Variants in TULP2 observed in about 807,000 individuals in gnomAD.
The protein encoded by TULP2 is TUB like protein 2.
TULP2 carries 64 observed loss-of-function variants against 60.3 expected under a neutral mutation model. That is an observed-to-expected ratio of 1.06 (90% CI 0.87 to 1.31). The LOEUF (loss-of-function observed/expected upper bound fraction) is 1.31, where lower values mean the gene tolerates loss of function less well. Ranked by LOEUF, TULP2 falls within the 50% of genes most tolerant of loss-of-function variation. The pLI, the probability that TULP2 is intolerant of heterozygous loss-of-function variation, is 0.00. For synonymous variants in TULP2, 267 were observed against 265.4 expected (o/e 1.01, Z -0.06); for missense variants, 652 against 667.0 (o/e 0.98, Z 0.25).
Position 48,895,409 on chromosome 19 carries a change from G to C in TULP2, c.306C>G (p.Asp102Glu). ...TCGGGAGGCCGCGCTCGCCCCTGCCGTCTCCACCACAGCTCACGGTGCCCA... is the reference window on the plus strand; with the variant it reads ...TCGGGAGGCCGCGCTCGCCCCTGCCCTCTCCACCACAGCTCACGGTGCCCA... ...SALGTVSCGG[D>E]GRGERGLPTP... Residue 102 changes from aspartate to glutamate, a missense_variant, in exon 5 of 13, where the codon GAC (aspartate) becomes GAG (glutamate). Coordinates refer to ENST00000221399, the MANE Select transcript of TULP2 (RefSeq NM_003323.3). 1.9e-6 allele frequency: 3 copies of C among 1,613,974 alleles called. No homozygotes were observed. Among genetic ancestry groups the C allele is most frequent in the Non-Finnish European group, 2.5e-6 (3 of 1,179,962 alleles).
At chr19:48,893,667 C>A (rs9941450) in intron 6 of TULP2, among the ~76,000 whole-genome samples, 28,739 of 151,974 alleles carry the variant, frequency 0.19, 3,487 homozygotes, top group African/African-American at 0.35. Context: ...AATTCTTCCA[C>A]CTCAGCCTCC....
chr19:48,884,485 A>G (rs1455064454), intron 9 of TULP2, among the ~76,000 whole-genome samples: 2 of 149,854 alleles, frequency 1.3e-5, no homozygotes, highest in Non-Finnish European at 3.0e-5. Flanking sequence ...AATTAAATAA[A>G]TGAGGCCGGG....
At chr19:48,890,608 T>TG (rs1323444531) in intron 6 of TULP2, among the ~76,000 whole-genome samples, 2 of 152,200 alleles carry the variant, frequency 1.3e-5, no homozygotes, top group Admixed American at 1.3e-4. Flanking sequence ...ACCTAAAGGA[T>TG]GAAAGAAGCC....
intron 11 of TULP2, 90 bp downstream of exon 11, chr19:48,883,664 C>CTCCTCTTCT: frequency 1.4e-6 from 2 of 1,456,868 alleles, no homozygotes; most frequent in Non-Finnish European, 1.9e-6. Context: ...CCTCCTCTTC[C>CTCCTCTTCT]TCCTCTTCTT....
chr19:48,885,501 G>A lies in TULP2; in HGVS notation c.1008C>T (p.Ser336=), dbSNP rs140099280. Residue 336 remains serine (S), a synonymous_variant, in exon 9 of 13, where the codon TCC becomes TCT. Coordinates refer to ENST00000221399, the MANE Select transcript of TULP2 (RefSeq NM_003323.3). ...RRSKTSNYLI[S]LDPTHLSRDG... is the part of the protein sequence containing the mutation. ...CCCGAGATAGGTGTGTAGGATCCAGGGAGATGAGGTAATTAGAAGTTTTGC... is the reference window on the plus strand; with the variant it reads ...CCCGAGATAGGTGTGTAGGATCCAGAGAGATGAGGTAATTAGAAGTTTTGC... 6.2e-7 allele frequency: 1 copy of A among 1,613,946 alleles called. No individual in the cohort carries two copies. The highest frequency in any genetic ancestry group is 8.5e-7 in the Non-Finnish European group (1 of 1,179,926).
intron 6 of TULP2, among the ~76,000 whole-genome samples, chr19:48,892,692 G>A (rs951002123): frequency 1.3e-5 from 2 of 151,680 alleles, no homozygotes; most frequent in African/African-American, 2.4e-5. Context: ...TTCAGTAAAC[G>A]TGGGGTTTCA....
Position 48,888,122 on chromosome 19 carries a change from A to G in TULP2, c.776T>C (p.Leu259Ser), listed in dbSNP as rs779288858. Residue 259 changes from leucine (L) to serine (S), a missense_variant, in exon 8 of 13, where the codon TTG (leucine) becomes TCG (serine). Physicochemically the swap from Leu to Ser is moderately radical, Grantham distance 145. Transcript: ENST00000221399. ...DSDHMRHEAS[L>S]AIRSPCPGLE... ...CCCAGGGCAGGGGGAGCGGATTGCC[A>G]AGGAGGCTTCGTGCCTCATATGGTC... The G allele has an allele frequency of 5.6e-6, 9 of 1,614,184 alleles. No homozygotes were observed. The South Asian group carries it at 6.6e-5, about 12-fold the overall frequency.
chr19:48,884,537 A>T (rs1156551855), intron 9 of TULP2, among the ~76,000 whole-genome samples: 1 of 152,020 alleles, frequency 6.6e-6, no homozygotes, highest in East Asian at 1.9e-4. Flanking sequence ...TTGGGAGGCC[A>T]AGGCGGGTGG....
Position 48,897,473 on chromosome 19 carries a change from C to T in TULP2, c.33-77G>A. 6.8e-7 allele frequency: 1 copy of T among 1,476,568 alleles called. No individual in the cohort carries two copies. Among genetic ancestry groups the T allele is most frequent in the Non-Finnish European group, 9.3e-7 (1 of 1,069,646 alleles). 91.5% of individuals were successfully genotyped at this position (1,476,568 alleles called of 1,614,324 possible). A position where few individuals can be genotyped will look rare whatever the true frequency, so the allele number is the denominator to read the frequency against. ...CAAGAGAGTCCCTCCTTCCCCCATC[C>T]TGCCCCTATCTCAGCTTGGGTTCTG... On this transcript the variant is annotated intron_variant, in intron 2 of 12. Transcript: ENST00000221399. This position sits in a 1 kb window ranked among gnomAD's most constrained non-coding sequence, Gnocchi z 4.0.
In TULP2 at chr19:48,882,055, A is replaced by G; in HGVS notation, c.1424T>C (p.Phe475Ser). ...ACGGTGTTTGGGATCCACGATTTGG[A>G]AGTTCTTCACCGAAGCCCGAGTGAC... ...GRVTRASVKN[F>S]QIVDPKHQEH... Residue 475 changes from phenylalanine (F) to serine (S), a missense_variant, in exon 12 of 13, where the codon TTC becomes TCC. Transcript: ENST00000221399. 1 of 1,614,152 alleles carries G rather than the reference A, an allele frequency of 6.2e-7. No homozygotes were observed. Among genetic ancestry groups the G allele is most frequent in the Non-Finnish European group, 8.5e-7 (1 of 1,180,030 alleles).
In TULP2 at chr19:48,884,908, C is replaced by CTTTT. The variant is rs745788084; in HGVS notation, c.1061+536_1061+539dup. Among the ~76,000 whole-genome samples the CTTTT allele has an allele frequency of 1.5e-3, 148 of 97,370 alleles. 9 individuals are homozygous for CTTTT. Among genetic ancestry groups the CTTTT allele is most frequent in the African/African-American group, 5.6e-3 (135 of 24,292 alleles). The allele number at this position is 97,370 out of a possible 152,430, so 63.9% of individuals were successfully genotyped here. On this transcript the variant is annotated intron_variant, in intron 9 of 12. Transcript: ENST00000221399. ...ATTTAAAGGGCCCTTTAGGAACCCT[C>CTTTT]TTTTTTTTTTTTTTTTTTTTTTTTT...
chr19:48,892,419 T>C (rs1351020608), intron 6 of TULP2, among the ~76,000 whole-genome samples: 2 of 152,172 alleles, frequency 1.3e-5, no homozygotes, highest in Non-Finnish European at 2.9e-5. Flanking sequence ...CCTTAAAACT[T>C]GAGTCAATAT....
chr19:48,881,275 T>A, intron 12 of TULP2, 149 bp from the exon 13 acceptor site: 1 of 507,446 alleles, frequency 2.0e-6, no homozygotes, highest in Admixed American at 3.4e-5. Flanking sequence ...AGTGACCTGA[T>A]CTTGGCTCAC....
intron 12 of TULP2, among the ~76,000 whole-genome samples, chr19:48,881,441 G>A (rs562649709): frequency 6.8e-6 from 1 of 148,122 alleles, no homozygotes; most frequent in East Asian, 2.0e-4. Flanking sequence ...GAGAGCAGTG[G>A]CGCGATCTCG....
chr19:48,885,021 C>A (rs1338703917), intron 9 of TULP2, among the ~76,000 whole-genome samples: 2 of 149,882 alleles, frequency 1.3e-5, no homozygotes, highest in Admixed American at 1.3e-4. Flanking sequence ...CTGCATCAGC[C>A]TCCCAAGTAG....
rs377635669 is a variant in TULP2, at chr19:48,885,474, G to A, written c.1035C>T (p.Asp345=). 1.3e-4 allele frequency: 210 copies of A among 1,613,918 alleles called. 2 individuals carry two copies. In the East Asian group the frequency reaches 1.3e-3, roughly 10 times the overall value. The change falls in exon 9 of 13, where the codon GAC becomes GAT. Residue 345 remains aspartate, a synonymous_variant. Transcript: ENST00000221399. ...ISLDPTHLSR[D]GDNFVGKVRS... ...TGACTTTGCCCACGAAATTGTCCCC[G>A]TCCCGAGATAGGTGTGTAGGATCCA...
intron 7 of TULP2, 110 bp downstream of exon 7, chr19:48,889,400 C>T: frequency 6.8e-7 from 1 of 1,479,916 alleles, no homozygotes. Context: ...TTAATCACCA[C>T]CAGGAAAAAG....
At chr19:48,893,735 G>T (rs1040895654) in intron 6 of TULP2, among the ~76,000 whole-genome samples, 2 of 151,930 alleles carry the variant, frequency 1.3e-5, no homozygotes, top group African/African-American at 4.8e-5. Flanking sequence ...TGTATTTTTA[G>T]TAGAGACTGG....
Position 48,883,942 on chromosome 19 carries a change from G to GC in TULP2, c.1165dup (p.Ala389GlyfsTer5). The GC allele has an allele frequency of 6.2e-7, 1 of 1,613,948 alleles. No individual in the cohort carries two copies. Among genetic ancestry groups the GC allele is most frequent in the East Asian group, 2.2e-5 (1 of 44,864 alleles). ...CCCCAGGACACTCACATAACACACAGCCCCCAGCTCCTGTCTGATCCGGGC... is the reference window on the plus strand; with the variant it reads ...CCCCAGGACACTCACATAACACACAGCCCCCCAGCTCCTGTCTGATCCGGGC... On this transcript the variant is annotated frameshift_variant, in exon 10 of 13. Coordinates refer to ENST00000221399, the MANE Select transcript of TULP2 (RefSeq NM_003323.3). LOFTEE classifies it high-confidence loss of function.
Sources: allele counts gnomAD v4.1 joint callset (sites outside exome capture counted in the v4.1 genomes callset), GRCh38; gene constraint gnomAD v4.1.1; non-coding constraint Gnocchi (gnomAD v3.1); transcripts MANE v1.5; gene names NCBI Gene and HGNC (gene_info 2026-07-23, HGNC 2026-07-21).